The following SLIT2 variants were observed in gnomAD, a reference collection of about 807,000 sequenced individuals.
SLIT2 encodes the protein slit homolog 2 protein.
SLIT2 carries 41 observed loss-of-function variants against 185.7 expected under a neutral mutation model. The ratio of observed to expected loss-of-function variants is 0.22; its 90% CI spans 0.17 to 0.29. The LOEUF is 0.29. Ranked by LOEUF, SLIT2 falls within the 10% of genes least tolerant of loss-of-function variation. The probability of loss-of-function intolerance (pLI) is 1.00; values close to 1 mark genes in which losing one functional copy is unlikely to be tolerated. For missense variants in SLIT2, 1,571 were observed against 1,909.0 expected (o/e 0.82, Z 3.30); for synonymous variants, 693 against 680.2 (o/e 1.02, Z -0.29).
intron 4 of SLIT2, among the ~76,000 whole-genome samples, chr4:20,296,206 T>G (rs1716462274): frequency 6.6e-6 from 1 of 152,236 alleles, no homozygotes; most frequent in South Asian, 2.1e-4. Flanking sequence ...ACTTACTGCT[T>G]ATTTTATTTT....
At chr4:20,558,597 A>G (rs1160841611) in intron 26 of SLIT2, among the ~76,000 whole-genome samples, 1 of 152,070 alleles carries the variant, frequency 6.6e-6, no homozygotes, top group African/African-American at 2.4e-5. Flanking sequence ...GTCTGGAACC[A>G]AACCCACAAT....
chr4:20,446,240 GA>G (rs1711781054), intron 4 of SLIT2, among the ~76,000 whole-genome samples: 1 of 152,216 alleles, frequency 6.6e-6, no homozygotes, highest in Admixed American at 6.5e-5. Context: ...GTTAACAACA[GA>G]GCTCAGCCAT....
At chr4:20,427,510 A>G (rs1212642646) in intron 4 of SLIT2, among the ~76,000 whole-genome samples, 4 of 152,170 alleles carry the variant, frequency 2.6e-5, no homozygotes, top group Admixed American at 2.6e-4. Flanking sequence ...TTAAAAACCT[A>G]TCTATATGAT....
chr4:20,503,656 T>A lies in SLIT2; in HGVS notation c.915-6839T>A, dbSNP rs1027851941. ...CCTTGTGAATATATGCATGAAAATTTTAACACTTAGTCAAAAGGTGCACAC... is the reference window on the plus strand; with the variant it reads ...CCTTGTGAATATATGCATGAAAATTATAACACTTAGTCAAAAGGTGCACAC... On this transcript the variant is annotated intron_variant, in intron 9 of 36. Coordinates refer to ENST00000504154, the MANE Select transcript of SLIT2 (RefSeq NM_004787.4). 7.2e-5 allele frequency among the ~76,000 whole-genome samples: 11 copies of A among 152,162 alleles called. 1 individual carries two copies. Among genetic ancestry groups the A allele is most frequent in the Admixed American group, 5.9e-4 (9 of 15,268 alleles).
chr4:20,432,000 T>C (rs1729025810), intron 4 of SLIT2, among the ~76,000 whole-genome samples: 1 of 140,534 alleles, frequency 7.1e-6, no homozygotes, highest in South Asian at 2.2e-4. Context: ...TCTCTCACTC[T>C]CTGTGTGTGT....
intron 11 of SLIT2, among the ~76,000 whole-genome samples, chr4:20,511,631 T>C (rs625862): frequency 0.3 from 42,538 of 139,910 alleles, 6,900 homozygotes; most frequent in East Asian, 0.52. Context: ...AATTTCACAA[T>C]GTTAGCCAGG....
intron 33 of SLIT2, among the ~76,000 whole-genome samples, chr4:20,602,566 T>G (rs1399270446): frequency 1.3e-5 from 2 of 152,188 alleles, no homozygotes; most frequent in Non-Finnish European, 2.9e-5. Context: ...AAAAACATGT[T>G]AAAATACAGG....
chr4:20,317,596 T>C (rs1256376402), intron 4 of SLIT2, among the ~76,000 whole-genome samples: 2 of 151,972 alleles, frequency 1.3e-5, no homozygotes, highest in East Asian at 3.9e-4. Context: ...TCTATGTCTG[T>C]AAAATGGGAT....
intron 4 of SLIT2, among the ~76,000 whole-genome samples, chr4:20,270,672 G>T (rs1223218384): frequency 6.6e-6 from 1 of 151,920 alleles, no homozygotes; most frequent in East Asian, 1.9e-4. Flanking sequence ...TGTTTGTTAG[G>T]TGGAGCTAGT....
intron 9 of SLIT2, among the ~76,000 whole-genome samples, chr4:20,498,244 G>A (rs748060973): frequency 1.3e-5 from 2 of 151,748 alleles, no homozygotes; most frequent in African/African-American, 2.4e-5. Flanking sequence ...ATATAGAAGG[G>A]GAAAAAGTAG....
At chr4:20,502,358 C>T (rs903321556) in intron 9 of SLIT2, among the ~76,000 whole-genome samples, 3 of 152,046 alleles carry the variant, frequency 2.0e-5, no homozygotes, top group Non-Finnish European at 2.9e-5. Flanking sequence ...AGAAAAGTGG[C>T]GTTTTAAAAA....
chr4:20,551,134 C>T (rs1379174950), intron 25 of SLIT2, among the ~76,000 whole-genome samples: 1 of 152,160 alleles, frequency 6.6e-6, no homozygotes, highest in African/African-American at 2.4e-5. Context: ...CTAAACATGT[C>T]TCTTCTACAA....
At chr4:20,301,086 T>G (rs1716995150) in intron 4 of SLIT2, among the ~76,000 whole-genome samples, 1 of 152,164 alleles carries the variant, frequency 6.6e-6, no homozygotes, top group Non-Finnish European at 1.5e-5. Context: ...TCTTGAACAG[T>G]GTATCTACCT....
intron 4 of SLIT2, among the ~76,000 whole-genome samples, chr4:20,431,505 G>A (rs1728976192): frequency 6.6e-6 from 1 of 152,124 alleles, no homozygotes; most frequent in Non-Finnish European, 1.5e-5. Context: ...TAAATTTCAT[G>A]CTCTTTAACA....
At chr4:20,359,931 A>G (rs776624338) in intron 4 of SLIT2, among the ~76,000 whole-genome samples, 31 of 152,200 alleles carry the variant, frequency 2.0e-4, no homozygotes, top group Non-Finnish European at 3.7e-4. Context: ...AAGAGTGACA[A>G]TGCATTTTAG....
chr4:20,492,633 C>A (rs1717880571), intron 9 of SLIT2, among the ~76,000 whole-genome samples: 1 of 152,086 alleles, frequency 6.6e-6, no homozygotes, highest in African/African-American at 2.4e-5. Flanking sequence ...ATTGACAAAA[C>A]CCCTTTTAAC....
intron 21 of SLIT2, among the ~76,000 whole-genome samples, chr4:20,544,856 A>G (rs1221715600): frequency 6.6e-6 from 1 of 152,088 alleles, no homozygotes; most frequent in Admixed American, 6.6e-5. Context: ...AGAGTGCTGA[A>G]CTATATAGGG....
At chr4:20,612,582 A>G (rs1465303008) in intron 34 of SLIT2, among the ~76,000 whole-genome samples, 3 of 152,138 alleles carry the variant, frequency 2.0e-5, no homozygotes, top group Non-Finnish European at 2.9e-5. Context: ...CATGAGAAGC[A>G]GAGGGAGAAA....
At chr4:20,447,729 A>G (rs1190663717) in intron 4 of SLIT2, among the ~76,000 whole-genome samples, 1 of 152,226 alleles carries the variant, frequency 6.6e-6, no homozygotes, top group Non-Finnish European at 1.5e-5. Flanking sequence ...TTGAAGTTTC[A>G]GAAAAAAAGT....
Sources: allele counts gnomAD v4.1 joint callset (sites outside exome capture counted in the v4.1 genomes callset), GRCh38; gene constraint gnomAD v4.1.1; transcripts MANE v1.5; gene names NCBI Gene and HGNC (gene_info 2026-07-23, HGNC 2026-07-21).